The following ZBTB46 variants were observed in gnomAD, a reference collection of about 807,000 sequenced individuals.
The protein encoded by ZBTB46 is zinc finger and BTB domain containing 46.
ZBTB46 carries 8 observed loss-of-function variants against 44.1 expected under a neutral mutation model. That is an observed-to-expected ratio of 0.18 (90% CI 0.11 to 0.33). The LOEUF is 0.33. ZBTB46 is among the 10% of genes least tolerant of loss of function. The pLI, the probability that ZBTB46 is intolerant of heterozygous loss-of-function variation, is 1.00. For missense variants in ZBTB46, 651 were observed against 847.7 expected, an observed-to-expected ratio of 0.77 and a Z score of 2.88; for synonymous variants, 409 against 382.3, an observed-to-expected ratio of 1.07 and a Z score of -0.81.
At chr20:63,769,517 G>C in intron 3 of ZBTB46, 26 of 903,938 alleles carry the variant, frequency 2.9e-5, no homozygotes, top group Non-Finnish European at 3.3e-5. Flanking sequence ...GGTCTCGCTG[G>C]AGGCAGGTGT....
intron 2 of ZBTB46, among the ~76,000 whole-genome samples, chr20:63,776,782 C>T (rs771000547): frequency 2.7e-5 from 4 of 146,860 alleles, no homozygotes; most frequent in Non-Finnish European, 4.5e-5. Context: ...CTAGCCTGGG[C>T]GACAGAACAA....
intron 3 of ZBTB46, among the ~76,000 whole-genome samples, chr20:63,753,658 G>A (rs571112789): frequency 2.0e-5 from 3 of 152,258 alleles, no homozygotes; most frequent in Admixed American, 1.3e-4. Flanking sequence ...GTGCACGCAT[G>A]TGCCGAGGGC....
chr20:63,754,174 G>A (rs571076580), intron 3 of ZBTB46, among the ~76,000 whole-genome samples: 1 of 152,204 alleles, frequency 6.6e-6, no homozygotes, highest in East Asian at 1.9e-4. Context: ...GGCTGTGTTC[G>A]GACGCATGTC....
intron 1 of ZBTB46, chr20:63,815,320 G>A: frequency 6.8e-6 from 2 of 295,720 alleles, no homozygotes; most frequent in African/African-American, 2.3e-5. Context: ...GTGCAGATGG[G>A]CACAGGTGCA....
chr20:63,789,355 G>A (rs185151624), intron 2 of ZBTB46, among the ~76,000 whole-genome samples: 4 of 152,322 alleles, frequency 2.6e-5, no homozygotes, highest in Admixed American at 6.5e-5. Flanking sequence ...ACCAAAGGCA[G>A]AAGTCCAGGA....
At position 63,746,811 on chromosome 20, in the gene ZBTB46, G is replaced by A. The variant is rs1165773422; in HGVS notation, c.*119C>T. The A allele has an allele frequency of 5.0e-6, 7 of 1,390,930 alleles. No individual in the cohort carries two copies. In the East Asian group the frequency reaches 1.3e-4, roughly 26 times the overall value. The allele number at this position is 1,390,930 out of a possible 1,614,324, so 86.2% of individuals were successfully genotyped here. A position where few individuals can be genotyped will look rare whatever the true frequency, so the allele number is the denominator to read the frequency against. ...TTTCCGTGGGGGGTGGGTTCAGGGG[G>A]AAGCAGAGGAGGGGCCGCGAGAGGG... On this transcript the variant is annotated 3_prime_UTR_variant, in exon 5 of 5. Coordinates refer to ENST00000245663, the MANE Select transcript of ZBTB46 (RefSeq NM_001369741.1).
At chr20:63,782,020 G>C (rs1367252427) in intron 2 of ZBTB46, among the ~76,000 whole-genome samples, 3 of 149,282 alleles carry the variant, frequency 2.0e-5, no homozygotes, top group Middle Eastern at 3.5e-3. Flanking sequence ...CGGGGAGGCG[G>C]AGCTTGCAGT....
In ZBTB46 at chr20:63,792,012, G is replaced by A. The variant is rs143329089; in HGVS notation, c.-33-1222C>T. 1.8e-4 allele frequency among the ~76,000 whole-genome samples: 27 copies of A among 152,296 alleles called. 1 individual carries two copies. The highest frequency in any genetic ancestry group is 1.5e-3 in the East Asian group (8 of 5,182). Reference sequence around the variant, plus strand: ...AGCCGGCGTTCTGTGTGGAGGCATCGCACGAGCTCTGCCTCTGTCTCAACA... The same window carrying A: ...AGCCGGCGTTCTGTGTGGAGGCATCACACGAGCTCTGCCTCTGTCTCAACA... On this transcript the variant is annotated intron_variant, in intron 1 of 4. Coordinates refer to ENST00000245663, the MANE Select transcript of ZBTB46 (RefSeq NM_001369741.1).
At chr20:63,808,278 G>A (rs1467386739) in intron 1 of ZBTB46, 1 of 152,454 alleles carries the variant, frequency 6.6e-6, no homozygotes, top group Non-Finnish European at 1.5e-5. Flanking sequence ...CGATGAACCT[G>A]TCAGGGGTCC....
rs190670476 is a variant in ZBTB46, at chr20:63,752,666, C to T, written c.1398+20G>A. ...GTGGCCACGCGCAGCGCGCGGCACG[C>T]GGACCCTCCCCGCACTCACCAGCGT... On this transcript the variant is annotated intron_variant, in intron 4 of 4. Transcript: ENST00000245663. This position sits in a 1 kb window ranked among gnomAD's most constrained non-coding sequence, Gnocchi z 5.6. 2.0e-5 allele frequency: 31 copies of T among 1,522,428 alleles called. No homozygotes were observed. In the African/African-American group the frequency reaches 3.6e-4, roughly 17 times the overall value. 94.3% of individuals were successfully genotyped at this position (1,522,428 alleles called of 1,614,324 possible).
At chr20:63,757,962 G>A (rs1490934783) in intron 3 of ZBTB46, among the ~76,000 whole-genome samples, 1 of 124,394 alleles carries the variant, frequency 8.0e-6, no homozygotes, top group Non-Finnish European at 1.7e-5. Flanking sequence ...GCCCCGTCCA[G>A]AGCTCACACT....
intron 3 of ZBTB46, among the ~76,000 whole-genome samples, chr20:63,770,664 C>T (rs2092361456): frequency 6.6e-6 from 1 of 152,048 alleles, no homozygotes; most frequent in Non-Finnish European, 1.5e-5. Context: ...CTGCGACCAC[C>T]ATCCCATTTT....
intron 1 of ZBTB46, among the ~76,000 whole-genome samples, chr20:63,791,519 AC>A (rs1269867109): frequency 2.0e-5 from 3 of 150,524 alleles, no homozygotes; most frequent in African/African-American, 4.8e-5. Context: ...AAAAAAAAAA[AC>A]TTCTTACACA....
At chr20:63,827,629 A>G (rs199884764) in intron 1 of ZBTB46, among the ~76,000 whole-genome samples, 1 of 120,080 alleles carries the variant, frequency 8.3e-6, no homozygotes, top group African/African-American at 2.9e-5. Flanking sequence ...AAAAAAAAAC[A>G]AAAAAAAAAA....
At chr20:63,790,857 G>A (rs555166524) in intron 1 of ZBTB46, 67 bp from the exon 2 acceptor site, 19 of 1,451,198 alleles carry the variant, frequency 1.3e-5, no homozygotes, top group South Asian at 2.9e-5. Context: ...GACGCCGGGC[G>A]GGGCGCAGGA....
intron 3 of ZBTB46, among the ~76,000 whole-genome samples, chr20:63,764,600 T>G (rs945217179): frequency 1.5e-5 from 2 of 132,438 alleles, no homozygotes; most frequent in Non-Finnish European, 3.2e-5. Context: ...AAGCATTTTT[T>G]CTCTGTTTTT....
intron 4 of ZBTB46, among the ~76,000 whole-genome samples, chr20:63,747,547 C>CAGGGCCTGGTGGGTGGGGGCGGGGCA (rs529992195): frequency 0.019 from 204 of 10,506 alleles, 3 homozygotes; most frequent in African/African-American, 0.066. Flanking sequence ...GGGGGGGGTG[C>CAGGGCCTGGTGGGTGGGGGCGGGGCA]GGGGGTGAGC....
In ZBTB46 at chr20:63,787,348, G is replaced by T. The variant is rs936684133; in HGVS notation, c.937+2473C>A. Among the ~76,000 whole-genome samples, 1 of 152,182 alleles carries T rather than the reference G, an allele frequency of 6.6e-6. No individual in the cohort carries two copies. Among genetic ancestry groups the T allele is most frequent in the Non-Finnish European group, 1.5e-5 (1 of 68,026 alleles). On this transcript the variant is annotated intron_variant, in intron 2 of 4. Transcript: ENST00000245663. The surrounding 1 kb of genome is among the most constrained non-coding windows in gnomAD (Gnocchi z 4.6). Reference sequence around the variant, plus strand: ...AAAAAATCAGTTTAGTGTAGGCCACGCCAAGTGTTTATAAAGTCTGCAGCA... The same window carrying T: ...AAAAAATCAGTTTAGTGTAGGCCACTCCAAGTGTTTATAAAGTCTGCAGCA...
intron 1 of ZBTB46, among the ~76,000 whole-genome samples, chr20:63,820,862 G>C (rs954228512): frequency 3.3e-5 from 5 of 151,692 alleles, no homozygotes; most frequent in African/African-American, 1.2e-4. Context: ...CCGAAGATCT[G>C]GGACTACAGG....
Sources: allele counts gnomAD v4.1 joint callset (sites outside exome capture counted in the v4.1 genomes callset), GRCh38; gene constraint gnomAD v4.1.1; non-coding constraint Gnocchi (gnomAD v3.1); transcripts MANE v1.5; gene names NCBI Gene and HGNC (gene_info 2026-07-23, HGNC 2026-07-21).